PKHD1: variants seen among roughly 807,000 people sequenced by gnomAD.
PKHD1 encodes the protein PKHD1 ciliary IPT domain containing fibrocystin/polyductin.
A neutral mutation model predicts 412.0 loss-of-function variants in PKHD1; 291 were observed. The observed-to-expected ratio is 0.71, with a 90% CI of 0.64 to 0.78. The LOEUF is 0.78. Ranked by LOEUF, PKHD1 falls within the 30% of genes least tolerant of loss-of-function variation. The probability of loss-of-function intolerance (pLI) is 0.00; values close to 1 mark genes in which losing one functional copy is unlikely to be tolerated. For missense variants in PKHD1, 4,825 were observed against 4,950.7 expected (o/e 0.97, Z 0.76); for synonymous variants, 1,777 against 1,821.5 (o/e 0.98, Z 0.62).
intron 52 of PKHD1, among the ~76,000 whole-genome samples, chr6:51,796,586 G>C (rs1794645884): frequency 6.6e-6 from 1 of 151,896 alleles, no homozygotes; most frequent in African/African-American, 2.4e-5. Context: ...TAGTTGTAAT[G>C]TTAGATTGTT....
Position 51,829,170 on chromosome 6 carries a change from C to A in PKHD1, c.8302+1691G>T, listed in dbSNP as rs185215437. 1.2e-3 allele frequency among the ~76,000 whole-genome samples: 177 copies of A among 152,244 alleles called. 2 individuals are homozygous for A. The highest frequency in any genetic ancestry group is 2.2e-3 in the Non-Finnish European group (147 of 68,014). On this transcript the variant is annotated intron_variant, in intron 52 of 66. Coordinates refer to ENST00000371117, the MANE Select transcript of PKHD1 (RefSeq NM_138694.4). ...TGCCTGTGCCCCACCTCCTTTCCCC[C>A]ACCCAGCATTGATTTGTGCTATTTA... is the stretch of plus-strand genomic sequence containing the variant.
In PKHD1 at chr6:51,748,201, C is replaced by G; in HGVS notation, c.9415G>C (p.Asp3139His). 6.2e-7 allele frequency: 1 copy of G among 1,614,046 alleles called. No homozygotes were observed. The highest frequency in any genetic ancestry group is 8.5e-7 in the Non-Finnish European group (1 of 1,179,966). Residue 3139 changes from aspartate to histidine, a missense_variant, in exon 58 of 67, where the codon GAC (aspartate) becomes CAC (histidine). Transcript: ENST00000371117. ...AAGCCAGAGATTCTGGTACAGTTGT[C>G]AAGTCCACTTTCCTTATAGAGATGA... Reference protein sequence around the residue: ...GLHLYKESGLDNCTRISGFLA... With the variant: ...GLHLYKESGLHNCTRISGFLA...
At chr6:51,629,504 C>A (rs765501550) in intron 65 of PKHD1, among the ~76,000 whole-genome samples, 1 of 151,684 alleles carries the variant, frequency 6.6e-6, no homozygotes, top group Non-Finnish European at 1.5e-5. Context: ...TAGTAAAAAC[C>A]ACAAGGTATA....
chr6:51,775,748 C>A, intron 54 of PKHD1, 60 bp downstream of exon 54: 2 of 838,804 alleles, frequency 2.4e-6, no homozygotes, highest in East Asian at 2.5e-5. Flanking sequence ...CTATCAGACA[C>A]AAGCACACAA....
chr6:51,753,192 T>G lies in PKHD1; in HGVS notation c.8950+9A>C, dbSNP rs1390628353. 2.5e-6 allele frequency: 4 copies of G among 1,612,998 alleles called. No individual in the cohort carries two copies. The South Asian group carries it at 3.3e-5, about 13-fold the overall frequency. ...CTGGTAATGGCCAATTACTTAAAAT[T>G]TCATTTACCTGAAAATTCTTCTCGG... On this transcript the variant is annotated intron_variant, in intron 57 of 66. Transcript: ENST00000371117.
intron 52 of PKHD1, among the ~76,000 whole-genome samples, chr6:51,817,155 GTT>G (rs11365359): frequency 3.3e-5 from 5 of 151,982 alleles, no homozygotes; most frequent in African/African-American, 9.7e-5. Context: ...TTTTTGAGGG[GTT>G]TTTTTTCCCA....
intron 60 of PKHD1, among the ~76,000 whole-genome samples, chr6:51,672,157 G>A (rs1242932597): frequency 6.6e-6 from 1 of 152,070 alleles, no homozygotes; most frequent in Admixed American, 6.5e-5. Flanking sequence ...GTGTGACCTA[G>A]GGTCTGGCTT....
chr6:52,000,074 C>T (rs1436167552), intron 35 of PKHD1, among the ~76,000 whole-genome samples: 2 of 152,186 alleles, frequency 1.3e-5, no homozygotes, highest in Non-Finnish European at 2.9e-5. Flanking sequence ...GAAAAGCAAG[C>T]TTTTCTCGCA....
intron 34 of PKHD1, among the ~76,000 whole-genome samples, chr6:52,014,798 ATG>A: frequency 1.4e-5 from 2 of 143,726 alleles, no homozygotes; most frequent in Non-Finnish European, 3.2e-5. Context: ...TCATGGATGG[ATG>A]GATGGATGGA....
intron 33 of PKHD1, among the ~76,000 whole-genome samples, chr6:52,017,832 TA>T (rs1233783541): frequency 3.9e-5 from 6 of 152,066 alleles, no homozygotes; most frequent in Admixed American, 2.0e-4. Flanking sequence ...ATAATCATCA[TA>T]AAAAAAACTC....
rs1775352755 is a variant in PKHD1, at chr6:51,867,965, T to C, written c.7631A>G (p.Glu2544Gly). 6.2e-7 allele frequency: 1 copy of C among 1,613,566 alleles called. No individual in the cohort carries two copies. The stretch of plus-strand genomic sequence containing the variant: ...GACCAAACAAGAAGCTGAAAGGGTT[T>C]CCATAGAAGCAAGAATGTGACTTCT... ...KNRSHILASMETLSASCLVNS... is the reference protein window; with the variant it reads ...KNRSHILASMGTLSASCLVNS... The change falls in exon 48 of 67, where the codon GAA (glutamate) becomes GGA (glycine). Residue 2544 changes from glutamate to glycine, a missense_variant. Glu to Gly is a moderately conservative substitution (Grantham distance 98). Transcript: ENST00000371117.
chr6:51,694,583 C>G (rs995792391), intron 60 of PKHD1, among the ~76,000 whole-genome samples: 4 of 97,362 alleles, frequency 4.1e-5, no homozygotes, highest in African/African-American at 1.6e-4. Flanking sequence ...TTGGTTGAGA[C>G]CAGGTTTCAC....
At chr6:51,711,508 G>T (rs1319618648) in intron 60 of PKHD1, among the ~76,000 whole-genome samples, 1 of 152,162 alleles carries the variant, frequency 6.6e-6, no homozygotes. Flanking sequence ...TGTCTCCGAT[G>T]GACCTGACTT....
intron 35 of PKHD1, among the ~76,000 whole-genome samples, chr6:51,982,160 G>GC (rs564895804): frequency 3.4e-4 from 11 of 32,646 alleles, no homozygotes; most frequent in South Asian, 2.1e-3. Flanking sequence ...TCTCCGCCCG[G>GC]CAGCCACCCC....
intron 65 of PKHD1, among the ~76,000 whole-genome samples, chr6:51,628,610 G>T (rs983136423): frequency 6.6e-6 from 1 of 152,164 alleles, no homozygotes; most frequent in African/African-American, 2.4e-5. Context: ...GGATTACTGA[G>T]TTGAAAACTT....
intron 64 of PKHD1, among the ~76,000 whole-genome samples, chr6:51,635,864 GGGGC>G (rs1303575046): frequency 9.1e-6 from 1 of 110,418 alleles, no homozygotes. Context: ...AAGGTGGGGG[GGGGC>G]GGGGGGCCGG....
Position 52,042,947 on chromosome 6 carries a change from A to C in PKHD1, c.3009T>G (p.Gly1003=). ...HRILMLVRPS[G]LAISATGEDL... ...CTTCTCCAGTGGCACTGATGGCAAGACCAGAGGGTCTCACCAACATCAAGA... is the reference window on the plus strand; with the variant it reads ...CTTCTCCAGTGGCACTGATGGCAAGCCCAGAGGGTCTCACCAACATCAAGA... Residue 1003 remains glycine (G), a synonymous_variant, in exon 27 of 67, where the codon GGT becomes GGG. Coordinates refer to ENST00000371117, the MANE Select transcript of PKHD1 (RefSeq NM_138694.4). 1 of 1,613,958 alleles carries C rather than the reference A, an allele frequency of 6.2e-7. No homozygotes were observed. The highest frequency in any genetic ancestry group is 8.5e-7 in the Non-Finnish European group (1 of 1,179,856).
chr6:51,796,074 T>C (rs1435830193), intron 52 of PKHD1, among the ~76,000 whole-genome samples: 1 of 152,216 alleles, frequency 6.6e-6, no homozygotes, highest in African/African-American at 2.4e-5. Flanking sequence ...ATAGTTTCAG[T>C]AGGAATAGTA....
chr6:51,911,670 G>C (rs1782955266), intron 39 of PKHD1, 129 bp downstream of exon 39: 1 of 796,032 alleles, frequency 1.3e-6, no homozygotes, highest in African/African-American at 1.7e-5. Context: ...CTACAGAAAA[G>C]TATGGGCATC....
Sources: gnomAD v4.1 joint callset for allele counts (sites outside exome capture counted in the v4.1 genomes callset) on GRCh38, gnomAD v4.1.1 for gene constraint, MANE v1.5 for transcripts, NCBI Gene and HGNC (gene_info 2026-07-23, HGNC 2026-07-21) for gene names.